CADM2: variants seen among roughly 807,000 people sequenced by gnomAD.
CADM2 encodes the protein cell adhesion molecule 2.
CADM2 carries 12 observed loss-of-function variants against 49.8 expected under a neutral mutation model. The observed-to-expected ratio is 0.24, with a 90% CI of 0.15 to 0.39. The LOEUF (loss-of-function observed/expected upper bound fraction) is 0.39. Ranked by LOEUF, CADM2 falls within the 10% of genes least tolerant of loss-of-function variation. The probability of loss-of-function intolerance (pLI) is 1.00; values close to 1 mark genes in which losing one functional copy is unlikely to be tolerated. For missense variants in CADM2, 378 were observed against 492.3 expected (o/e 0.77, Z 2.20); for synonymous variants, 214 against 175.4 (o/e 1.22, Z -1.74).
At chr3:85,541,775 T>TTATATATATATATATATATATATATATA (rs10576590) in intron 1 of CADM2, among the ~76,000 whole-genome samples, 3 of 88,308 alleles carry the variant, frequency 3.4e-5, no homozygotes, top group Admixed American at 1.4e-4. Flanking sequence ...ATTTTATATT[T>TTATATATATATATATATATATATATATA]TATATATATA....
chr3:85,608,097 T>C (rs2107437011), intron 1 of CADM2, among the ~76,000 whole-genome samples: 1 of 152,308 alleles, frequency 6.6e-6, no homozygotes, highest in Admixed American at 6.5e-5. Context: ...AACTGACTAA[T>C]TTGTCAATAT....
At chr3:85,811,860 T>TG (rs1559675105) in intron 3 of CADM2, among the ~76,000 whole-genome samples, 1 of 150,826 alleles carries the variant, frequency 6.6e-6, no homozygotes, top group Admixed American at 6.6e-5. Context: ...CCTTGATGTT[T>TG]TTTTTTTTTT....
chr3:85,078,957 A>G (rs1003949463), intron 1 of CADM2, among the ~76,000 whole-genome samples: 6 of 151,750 alleles, frequency 4.0e-5, no homozygotes, highest in African/African-American at 1.5e-4. Flanking sequence ...TAACTACCTT[A>G]TAAAAAAAAG....
rs888392462 is a variant in CADM2, at chr3:86,056,859, T to C, written c.971-8746T>C. ...TAAACATGTGGGGCCATTTGTTTTT[T>C]ATGAGCTTCATGGGAAAATAAATTT... is the stretch of plus-strand genomic sequence containing the variant. On this transcript the variant is annotated intron_variant, in intron 8 of 9. Transcript: ENST00000383699. Among the ~76,000 whole-genome samples, 5 of 152,340 alleles carry C rather than the reference T, an allele frequency of 3.3e-5. 1 individual carries two copies. The East Asian group carries it at 9.6e-4, about 29-fold the overall frequency.
chr3:85,720,679 A>G (rs1409654937), intron 1 of CADM2, among the ~76,000 whole-genome samples: 1 of 152,170 alleles, frequency 6.6e-6, no homozygotes, highest in Non-Finnish European at 1.5e-5. Flanking sequence ...TAGTACTTAG[A>G]CAATGTTAGG....
chr3:85,300,351 CTTTCTA>C (rs1195892384), intron 1 of CADM2, among the ~76,000 whole-genome samples: 1 of 152,014 alleles, frequency 6.6e-6, no homozygotes, highest in Non-Finnish European at 1.5e-5. Flanking sequence ...TGAAATTGTT[CTTTCTA>C]TTTTTTGTGT....
chr3:85,345,693 T>C (rs2030562431), intron 1 of CADM2, among the ~76,000 whole-genome samples: 2 of 152,322 alleles, frequency 1.3e-5, no homozygotes, highest in South Asian at 4.1e-4. Flanking sequence ...GACATCTAAA[T>C]GCAAAGCACG....
intron 1 of CADM2, among the ~76,000 whole-genome samples, chr3:85,380,897 T>A (rs2033866542): frequency 6.6e-6 from 1 of 152,046 alleles, no homozygotes; most frequent in Admixed American, 6.6e-5. Context: ...ACAGATAAAT[T>A]TCACATAATA....
At chr3:85,745,751 G>A (rs1010233768) in intron 2 of CADM2, among the ~76,000 whole-genome samples, 1 of 152,120 alleles carries the variant, frequency 6.6e-6, no homozygotes, top group Non-Finnish European at 1.5e-5. Flanking sequence ...TGTAGTCCCA[G>A]CTACTCAGGA....
intron 7 of CADM2, among the ~76,000 whole-genome samples, chr3:85,952,280 G>C (rs1723526356): frequency 6.6e-6 from 1 of 150,728 alleles, no homozygotes; most frequent in African/African-American, 2.4e-5. Flanking sequence ...CTATTCTCTT[G>C]ATTTTTTTTC....
rs74960411 is a variant in CADM2 at position 85,381,964 on chromosome 3, G to A, written c.62-344558G>A. 5.6e-3 allele frequency among the ~76,000 whole-genome samples: 846 copies of A among 151,830 alleles called. 8 individuals are homozygous for A. The highest frequency in any genetic ancestry group is 0.019 in the African/African-American group (802 of 41,408). ...ATCAGCAGAAAGCCCCTTCCATGTA[G>A]CTATTTAAACTCACCAAGCCTTTTT... On this transcript the variant is annotated intron_variant, in intron 1 of 9. Transcript: ENST00000383699.
intron 8 of CADM2, among the ~76,000 whole-genome samples, chr3:86,057,850 A>T (rs1013161033): frequency 6.6e-6 from 1 of 152,172 alleles, no homozygotes; most frequent in Non-Finnish European, 1.5e-5. Flanking sequence ...AAAGGAATAC[A>T]GACTATGTGG....
At chr3:85,321,116 A>ATATGTATTTTT (rs2044596196) in intron 1 of CADM2, among the ~76,000 whole-genome samples, 1 of 27,502 alleles carries the variant, frequency 3.6e-5, no homozygotes, top group Non-Finnish European at 6.5e-5. Flanking sequence ...ATATATATAT[A>ATATGTATTTTT]TTTTTTTTTT....
intron 3 of CADM2, among the ~76,000 whole-genome samples, chr3:85,874,035 A>G (rs1418808730): frequency 6.6e-6 from 1 of 152,014 alleles, no homozygotes; most frequent in Non-Finnish European, 1.5e-5. Flanking sequence ...AATAAAATTT[A>G]TATTATTTTA....
At chr3:85,875,641 A>G (rs1711723408) in intron 3 of CADM2, among the ~76,000 whole-genome samples, 1 of 152,172 alleles carries the variant, frequency 6.6e-6, no homozygotes, top group South Asian at 2.1e-4. Flanking sequence ...TTTCAACTGA[A>G]AAAAACATGG....
intron 1 of CADM2, among the ~76,000 whole-genome samples, chr3:85,707,644 A>G (rs1307075509): frequency 1.3e-5 from 2 of 152,150 alleles, no homozygotes; most frequent in Admixed American, 1.3e-4. Flanking sequence ...AAACACGTCA[A>G]CTTTCTCTTG....
chr3:85,701,307 TG>T (rs2066744995), intron 1 of CADM2, among the ~76,000 whole-genome samples: 1 of 152,128 alleles, frequency 6.6e-6, no homozygotes, highest in South Asian at 2.1e-4. Flanking sequence ...CCTCCAGCAC[TG>T]GGATTACATT....
At chr3:85,662,710 G>A (rs1247116618) in intron 1 of CADM2, among the ~76,000 whole-genome samples, 1 of 151,940 alleles carries the variant, frequency 6.6e-6, no homozygotes, top group Non-Finnish European at 1.5e-5. Flanking sequence ...GGAAGTGTTC[G>A]TTGACACCTT....
At chr3:85,965,830 G>C (rs1334588637) in intron 8 of CADM2, among the ~76,000 whole-genome samples, 1 of 151,512 alleles carries the variant, frequency 6.6e-6, no homozygotes, top group East Asian at 2.0e-4. Flanking sequence ...ATGACCAATG[G>C]TATTATGCTA....
Sources: gnomAD v4.1 joint callset for allele counts (sites outside exome capture counted in the v4.1 genomes callset) on GRCh38, gnomAD v4.1.1 for gene constraint, MANE v1.5 for transcripts, NCBI Gene and HGNC (gene_info 2026-07-23, HGNC 2026-07-21) for gene names.